GRM5: variants seen among roughly 807,000 people sequenced by gnomAD.
GRM5 encodes metabotropic glutamate receptor 5.
Under a neutral mutation model 83.1 loss-of-function variants are expected in GRM5, and 19 were observed. That is an observed-to-expected ratio of 0.23 (90% CI 0.16 to 0.34). GRM5 has a LOEUF of 0.34. Ranked by LOEUF, GRM5 falls within the 10% of genes least tolerant of loss-of-function variation. The pLI, the probability that GRM5 is intolerant of heterozygous loss-of-function variation, is 1.00. For missense variants in GRM5, 1,160 were observed against 1,588.3 expected (o/e 0.73, Z 4.58); for synonymous variants, 675 against 633.6 (o/e 1.07, Z -0.98).
At chr11:88,934,963 T>C (rs192208322) in intron 2 of GRM5, among the ~76,000 whole-genome samples, 1 of 152,030 alleles carries the variant, frequency 6.6e-6, no homozygotes, top group Non-Finnish European at 1.5e-5. Flanking sequence ...GGCAAATTAA[T>C]ACCTGTCAAT....
At chr11:89,002,503 A>T (rs1940412610) in intron 2 of GRM5, among the ~76,000 whole-genome samples, 1 of 152,162 alleles carries the variant, frequency 6.6e-6, no homozygotes, top group Non-Finnish European at 1.5e-5. Context: ...TTTGTAATGA[A>T]TCCTGATAGG....
chr11:88,996,446 ATT>A (rs1243501893), intron 2 of GRM5, among the ~76,000 whole-genome samples: 1 of 152,248 alleles, frequency 6.6e-6, no homozygotes, highest in African/African-American at 2.4e-5. Context: ...ACATCAGGTC[ATT>A]ATACTACAGA....
intron 8 of GRM5, among the ~76,000 whole-genome samples, chr11:88,530,574 G>A (rs1401886368): frequency 6.6e-6 from 1 of 151,978 alleles, no homozygotes. Flanking sequence ...CTTAGGATCA[G>A]ATAGTAAATG....
intron 3 of GRM5, among the ~76,000 whole-genome samples, chr11:88,770,476 A>G (rs1324867560): frequency 6.6e-6 from 1 of 152,128 alleles, no homozygotes; most frequent in Non-Finnish European, 1.5e-5. Context: ...TATATGCTCA[A>G]TTTTTTAGTG....
chr11:88,763,426 T>G (rs973940221), intron 3 of GRM5, among the ~76,000 whole-genome samples: 3 of 151,864 alleles, frequency 2.0e-5, no homozygotes, highest in Non-Finnish European at 2.9e-5. Context: ...GTTTTCTACA[T>G]GACTAAATTA....
intron 6 of GRM5, among the ~76,000 whole-genome samples, chr11:88,591,000 T>C (rs894648820): frequency 6.6e-6 from 1 of 152,166 alleles, no homozygotes; most frequent in Non-Finnish European, 1.5e-5. Flanking sequence ...GAAACCTGTA[T>C]TTAATTAAGT....
intron 3 of GRM5, among the ~76,000 whole-genome samples, chr11:88,707,821 A>G (rs955407899): frequency 6.6e-6 from 1 of 152,116 alleles, no homozygotes; most frequent in African/African-American, 2.4e-5. Context: ...AACTAATCTC[A>G]TATTATATCA....
At chr11:89,061,476 A>G (rs1941991046) in intron 1 of GRM5, among the ~76,000 whole-genome samples, 1 of 152,228 alleles carries the variant, frequency 6.6e-6, no homozygotes, top group African/African-American at 2.4e-5. Flanking sequence ...TAGAATTATT[A>G]AAATGCTTTA....
At chr11:88,852,918 C>T (rs1436201603) in intron 2 of GRM5, among the ~76,000 whole-genome samples, 2 of 152,022 alleles carry the variant, frequency 1.3e-5, no homozygotes, top group African/African-American at 4.8e-5. Flanking sequence ...AAAAAAAAGT[C>T]TACAGGCTTC....
chr11:88,667,845 A>G (rs892430610), intron 3 of GRM5, among the ~76,000 whole-genome samples: 3 of 152,112 alleles, frequency 2.0e-5, no homozygotes, highest in African/African-American at 7.2e-5. Flanking sequence ...GTGAGCCGAG[A>G]TTGAGCTACT....
At chr11:88,594,282 C>T (rs534660737) in intron 6 of GRM5, among the ~76,000 whole-genome samples, 331 of 152,194 alleles carry the variant, frequency 2.2e-3, no homozygotes, top group Non-Finnish European at 2.6e-3. Flanking sequence ...AGTTTAACTG[C>T]AAGATAATTG....
intron 2 of GRM5, among the ~76,000 whole-genome samples, chr11:88,942,929 T>G (rs1419431593): frequency 1.3e-5 from 2 of 152,036 alleles, no homozygotes; most frequent in Admixed American, 1.3e-4. Flanking sequence ...GACCAAAAGT[T>G]TTGGAACACA....
chr11:88,993,159 C>T (rs374000340), intron 2 of GRM5, among the ~76,000 whole-genome samples: 25 of 150,384 alleles, frequency 1.7e-4, no homozygotes, highest in East Asian at 4.0e-4. Flanking sequence ...CTAGCTCCTC[C>T]GTAGGCTAAG....
intron 2 of GRM5, among the ~76,000 whole-genome samples, chr11:88,927,389 GAAAC>G (rs964792053): frequency 6.6e-6 from 1 of 151,948 alleles, no homozygotes; most frequent in African/African-American, 2.4e-5. Flanking sequence ...ATGTGAATGA[GAAAC>G]AAACAAATGA....
At chr11:88,851,575 G>A (rs1397856961) in intron 2 of GRM5, among the ~76,000 whole-genome samples, 2 of 152,154 alleles carry the variant, frequency 1.3e-5, no homozygotes, top group East Asian at 1.9e-4. Context: ...TCTTCCCTTG[G>A]CTGATAAAAC....
chr11:88,885,796 T>C (rs1478332938), intron 2 of GRM5, among the ~76,000 whole-genome samples: 1 of 152,100 alleles, frequency 6.6e-6, no homozygotes, highest in African/African-American at 2.4e-5. Context: ...AATCATTTAC[T>C]AACAAAGAGC....
intron 3 of GRM5, among the ~76,000 whole-genome samples, chr11:88,823,661 G>A (rs904579652): frequency 3.6e-4 from 55 of 152,304 alleles, no homozygotes; most frequent in African/African-American, 1.3e-3. Flanking sequence ...TCTCAGGGAA[G>A]GAGATACTCC....
Position 88,708,941 on chromosome 11 carries a change from A to G in GRM5, c.912-55538T>C, listed in dbSNP as rs542579822. Among the ~76,000 whole-genome samples, 351 of 152,272 alleles carry G rather than the reference A, an allele frequency of 2.3e-3. 1 individual carries two copies. The highest frequency in any genetic ancestry group is 4.3e-3 in the Non-Finnish European group (290 of 67,994). On this transcript the variant is annotated intron_variant, in intron 3 of 9. Transcript: ENST00000305447. ...GAGTGATTAAACACTTGTCGGCAAA[A>G]GGTCTAATGGCAGAAGGAAGTAAAC...
At chr11:88,750,135 A>C (rs1170617287) in intron 3 of GRM5, among the ~76,000 whole-genome samples, 1 of 152,212 alleles carries the variant, frequency 6.6e-6, no homozygotes, top group Non-Finnish European at 1.5e-5. Context: ...TAAAAGACAC[A>C]GAATGAAAAG....
Sources: gnomAD v4.1 joint callset for allele counts (sites outside exome capture counted in the v4.1 genomes callset) on GRCh38, gnomAD v4.1.1 for gene constraint, MANE v1.5 for transcripts, NCBI Gene and HGNC (gene_info 2026-07-23, HGNC 2026-07-21) for gene names.